Variants in MCC observed in about 807,000 individuals in gnomAD.
The protein encoded by MCC is MCC regulator of Wnt signaling pathway.
MCC carries 90 observed loss-of-function variants against 116.2 expected under a neutral mutation model. The observed-to-expected ratio is 0.77, with a 90% CI of 0.65 to 0.92. The LOEUF (loss-of-function observed/expected upper bound fraction) is 0.92, where lower values mean the gene tolerates loss of function less well. Ranked by LOEUF, MCC falls within the 40% of genes least tolerant of loss-of-function variation. The pLI, the probability that MCC is intolerant of heterozygous loss-of-function variation, is 0.00. For missense variants in MCC, 1,516 were observed against 1,312.2 expected (o/e 1.16, Z -2.40); for synonymous variants, 578 against 510.5 (o/e 1.13, Z -1.78).
rs570772931 is a variant in MCC, at chr5:113,474,734, G to T, written c.170+13511C>A. ...TGAAGTAGCTTAGGAAACCAAAAAG[G>T]GAGAGAGGGATAAGCCGCACTGATT... is the stretch of plus-strand genomic sequence containing the variant. On this transcript the variant is annotated intron_variant, in intron 1 of 18. Coordinates refer to ENST00000408903, the MANE Select transcript of MCC (RefSeq NM_001085377.2). Among the ~76,000 whole-genome samples, 11 of 152,242 alleles carry T rather than the reference G, an allele frequency of 7.2e-5. No individual in the cohort carries two copies. The East Asian group carries it at 2.1e-3, about 29-fold the overall frequency.
chr5:113,310,085 T>C (rs920622468), intron 3 of MCC, among the ~76,000 whole-genome samples: 5 of 152,232 alleles, frequency 3.3e-5, no homozygotes, highest in African/African-American at 1.2e-4. Flanking sequence ...CTCTTGGCCC[T>C]TCAGAGCCTG....
At position 113,022,440 on chromosome 5, in the gene MCC, G is replaced by C. The variant is rs1750207734; in HGVS notation, c.*4862C>G. On this transcript the variant is annotated 3_prime_UTR_variant, in exon 19 of 19. Transcript: ENST00000408903. ...CAGGTTTTTCTAATTCAAGTGTATA[G>C]CACATATTCAAATAATAGGAAACAA... 6.6e-6 allele frequency: 1 copy of C among 152,632 alleles called. No homozygotes were observed. The highest frequency in any genetic ancestry group is 2.1e-4 in the South Asian group (1 of 4,832). 9.5% of individuals were successfully genotyped at this position (152,632 alleles called of 1,614,324 possible). A position where few individuals can be genotyped will look rare whatever the true frequency, so the allele number is the denominator to read the frequency against.
chr5:113,223,716 C>T (rs1265658263), intron 3 of MCC, among the ~76,000 whole-genome samples: 2 of 152,110 alleles, frequency 1.3e-5, no homozygotes, highest in Non-Finnish European at 2.9e-5. Context: ...CAAAGAAGGG[C>T]AGAAACTGGT....
intron 3 of MCC, chr5:113,203,242 C>T (rs1762762183): frequency 6.6e-6 from 1 of 152,500 alleles, no homozygotes; most frequent in African/African-American, 2.4e-5. Context: ...CCTACCTTGA[C>T]ATGTGCTCTG....
chr5:113,449,263 G>A (rs1280925975), intron 1 of MCC, among the ~76,000 whole-genome samples: 1 of 152,218 alleles, frequency 6.6e-6, no homozygotes, highest in Non-Finnish European at 1.5e-5. Context: ...CAGAACCTAT[G>A]AGGAAAGCTA....
At position 113,155,252 on chromosome 5, in the gene MCC, A is replaced by G. The variant is rs111500375; in HGVS notation, c.628-3830T>C. On this transcript the variant is annotated intron_variant, in intron 3 of 18. Coordinates refer to ENST00000408903, the MANE Select transcript of MCC (RefSeq NM_001085377.2). Reference sequence around the variant, plus strand: ...ATGGCTGAATAATATTCCACTGTGCATATGTACCACACTCTGTATATCCAT... The same window carrying G: ...ATGGCTGAATAATATTCCACTGTGCGTATGTACCACACTCTGTATATCCAT... 8.9e-3 allele frequency among the ~76,000 whole-genome samples: 1,350 copies of G among 152,316 alleles called. 9 individuals carry two copies. Among genetic ancestry groups the G allele is most frequent in the Non-Finnish European group, 0.014 (967 of 68,036 alleles).
At chr5:113,068,234 T>A in intron 12 of MCC, 51 bp from the exon 13 acceptor site, 2 of 1,416,666 alleles carry the variant, frequency 1.4e-6, no homozygotes, top group Non-Finnish European at 2.0e-6. Context: ...AGCGGACACC[T>A]TCAATGTGGC....
At chr5:113,175,554 G>A (rs1761290122) in intron 3 of MCC, among the ~76,000 whole-genome samples, 1 of 152,076 alleles carries the variant, frequency 6.6e-6, no homozygotes, top group African/African-American at 2.4e-5. Context: ...AAACTGGACG[G>A]GGAGTAGTGA....
chr5:113,219,093 A>T (rs1317983340), intron 3 of MCC, among the ~76,000 whole-genome samples: 1 of 152,246 alleles, frequency 6.6e-6, no homozygotes, highest in Non-Finnish European at 1.5e-5. Flanking sequence ...GAGTGTTTCC[A>T]GGTTTCTACA....
At chr5:113,418,862 T>C (rs897269535) in intron 1 of MCC, among the ~76,000 whole-genome samples, 2 of 151,992 alleles carry the variant, frequency 1.3e-5, no homozygotes, top group African/African-American at 4.8e-5. Context: ...AAGCAATGAG[T>C]TTCCATGCTG....
intron 1 of MCC, among the ~76,000 whole-genome samples, chr5:113,428,153 C>T (rs1770531439): frequency 6.6e-6 from 1 of 152,148 alleles, no homozygotes; most frequent in Non-Finnish European, 1.5e-5. Flanking sequence ...GGCCACAGCT[C>T]AGCATTTTCA....
chr5:113,326,745 T>C (rs1767564404), intron 3 of MCC, among the ~76,000 whole-genome samples: 1 of 152,222 alleles, frequency 6.6e-6, no homozygotes, highest in South Asian at 2.1e-4. Context: ...TAATCTTCTA[T>C]GGTAATGAAT....
At chr5:113,459,235 CTTTTGAAAA>C (rs367989452) in intron 1 of MCC, among the ~76,000 whole-genome samples, 248 of 146,582 alleles carry the variant, frequency 1.7e-3, no homozygotes, top group African/African-American at 5.8e-3. Context: ...AAAAATATAC[CTTTTGAAAA>C]AGCCACAGGC....
rs1460045853 is a variant in MCC at position 113,434,340 on chromosome 5, C to T, written c.171-49128G>A. On this transcript the variant is annotated intron_variant, in intron 1 of 18. Transcript: ENST00000408903. The surrounding 1 kb of genome is among the most constrained non-coding windows in gnomAD (Gnocchi z 4.2). ...GAAGGTCTTGCTTAATGCCATTCGA[C>T]CACTGTCATCCCGCAGGCAGCGCTT... 10 of 1,613,754 alleles carry T rather than the reference C, an allele frequency of 6.2e-6. No homozygotes were observed. The African/African-American group carries it at 1.3e-4, about 22-fold the overall frequency.
At chr5:113,378,208 C>A (rs1256916797) in intron 2 of MCC, among the ~76,000 whole-genome samples, 1 of 152,198 alleles carries the variant, frequency 6.6e-6, no homozygotes, top group South Asian at 2.1e-4. Flanking sequence ...CTCCCTTGGG[C>A]TTGTGGGTTT....
At chr5:113,354,115 C>T (rs924586667) in intron 2 of MCC, among the ~76,000 whole-genome samples, 1 of 152,172 alleles carries the variant, frequency 6.6e-6, no homozygotes, top group African/African-American at 2.4e-5. Context: ...CACTGCCATC[C>T]AAGGGTCAGC....
At chr5:113,073,843 C>T (rs1004055773) in intron 11 of MCC, among the ~76,000 whole-genome samples, 9 of 152,222 alleles carry the variant, frequency 5.9e-5, no homozygotes, top group Admixed American at 5.9e-4. Context: ...GGGCGTCCGC[C>T]ACTGCTGAGG....
chr5:113,074,605 G>A (rs1417802576), intron 11 of MCC, among the ~76,000 whole-genome samples: 2 of 152,208 alleles, frequency 1.3e-5, no homozygotes, highest in Non-Finnish European at 2.9e-5. Context: ...AAAGGAGGAT[G>A]TTCGAGCCCA....
chr5:113,150,743 C>T (rs949403532), intron 4 of MCC, among the ~76,000 whole-genome samples: 1 of 151,924 alleles, frequency 6.6e-6, no homozygotes, highest in Admixed American at 6.6e-5. Flanking sequence ...AAAATCAAAG[C>T]AAAGGAAGAA....
Sources: gnomAD v4.1 joint callset for allele counts (sites outside exome capture counted in the v4.1 genomes callset) on GRCh38, gnomAD v4.1.1 for gene constraint, Gnocchi (gnomAD v3.1) non-coding constraint, MANE v1.5 for transcripts, NCBI Gene and HGNC (gene_info 2026-07-23, HGNC 2026-07-21) for gene names.